The following HTR7 variants were observed in gnomAD, a reference collection of about 807,000 sequenced individuals.
HTR7 encodes the protein 5-hydroxytryptamine receptor 7, also known as 5-HT-7.
HTR7 carries 16 observed loss-of-function variants against 34.0 expected under a neutral mutation model. The observed-to-expected ratio is 0.47, with a 90% confidence interval of 0.32 to 0.71. The LOEUF (loss-of-function observed/expected upper bound fraction) is 0.71, where lower values mean the gene tolerates loss of function less well. Ranked by LOEUF, HTR7 falls within the 30% of genes least tolerant of loss-of-function variation. HTR7 has a pLI of 0.04. For synonymous variants in HTR7, 265 were observed against 260.2 expected (o/e 1.02, Z -0.18); for missense variants, 504 against 625.5 (o/e 0.81, Z 2.07).
At chr10:90,765,370 T>C (rs961362976) in intron 1 of HTR7, among the ~76,000 whole-genome samples, 2 of 152,194 alleles carry the variant, frequency 1.3e-5, no homozygotes, top group African/African-American at 4.8e-5. Flanking sequence ...TTTGTATTTC[T>C]GTGACATCAG....
intron 1 of HTR7, among the ~76,000 whole-genome samples, chr10:90,766,443 G>A (rs1845025821): frequency 6.6e-6 from 1 of 152,252 alleles, no homozygotes; most frequent in East Asian, 1.9e-4. Context: ...GTCTCTTGTA[G>A]GCAGCATGTT....
At chr10:90,792,517 A>T (rs17100178) in intron 1 of HTR7, among the ~76,000 whole-genome samples, 11,087 of 152,092 alleles carry the variant, frequency 0.073, 619 homozygotes, top group East Asian at 0.17. Context: ...ACTGTACATT[A>T]TATATATACA....
intron 1 of HTR7, among the ~76,000 whole-genome samples, chr10:90,778,508 G>A (rs1489195836): frequency 6.6e-6 from 1 of 152,150 alleles, no homozygotes; most frequent in Non-Finnish European, 1.5e-5. Context: ...GGACTTCTCA[G>A]CCTCCATAAT....
At chr10:90,769,010 CTT>C (rs1845067016) in intron 1 of HTR7, among the ~76,000 whole-genome samples, 1 of 152,204 alleles carries the variant, frequency 6.6e-6, no homozygotes, top group African/African-American at 2.4e-5. Flanking sequence ...GCCAAGAACA[CTT>C]TGATTACTAC....
intron 1 of HTR7, among the ~76,000 whole-genome samples, chr10:90,751,136 A>G (rs1284168495): frequency 1.3e-5 from 2 of 152,124 alleles, no homozygotes. Flanking sequence ...GCTGACCTAC[A>G]AGCACTACCC....
Position 90,749,530 on chromosome 10 carries a change from T to C in HTR7, c.604A>G (p.Met202Val), listed in dbSNP as rs1844701443. The change falls in exon 2 of 4, where the codon ATG becomes GTG. Residue 202 changes from methionine (M) to valine (V), a missense_variant. By Grantham distance (21) the Met-to-Val change is conservative. Around this residue, in one of 4 missense-constraint regions of HTR7, gnomAD observed 154 missense variants for 248.8 expected, o/e 0.62. Coordinates refer to ENST00000336152, the MANE Select transcript of HTR7 (RefSeq NM_019859.4). This position sits in a 1 kb window ranked among gnomAD's most constrained non-coding sequence, Gnocchi z 4.2. ...GAGAGAAGCCAGACGGAGAGAATCA[T>C]CTTCGCCATGCATTTCCCATTCTGC... ...VRQNGKCMAKMILSVWLLSAS... is the reference protein window; with the variant it reads ...VRQNGKCMAKVILSVWLLSAS... 2.7e-5 allele frequency: 43 copies of C among 1,613,994 alleles called. No homozygotes were observed. Among genetic ancestry groups the C allele is most frequent in the Non-Finnish European group, 3.6e-5 (43 of 1,180,014 alleles).
intron 1 of HTR7, among the ~76,000 whole-genome samples, chr10:90,841,450 T>C (rs937436874): frequency 1.3e-5 from 2 of 152,192 alleles, no homozygotes; most frequent in Non-Finnish European, 1.5e-5. Context: ...ACAGGCTGTG[T>C]TCCTTTCTGG....
intron 1 of HTR7, among the ~76,000 whole-genome samples, chr10:90,771,629 G>C (rs544516501): frequency 1.2e-4 from 19 of 152,322 alleles, no homozygotes; most frequent in Admixed American, 5.2e-4. Flanking sequence ...GCCCATGCCA[G>C]CACCTGGAGC....
chr10:90,812,315 T>C (rs1197351713), intron 1 of HTR7, among the ~76,000 whole-genome samples: 3 of 152,104 alleles, frequency 2.0e-5, no homozygotes, highest in Non-Finnish European at 4.4e-5. Flanking sequence ...CTGCTCTTGT[T>C]TACACTGCCG....
At chr10:90,773,787 T>C (rs1845159190) in intron 1 of HTR7, among the ~76,000 whole-genome samples, 1 of 152,204 alleles carries the variant, frequency 6.6e-6, no homozygotes, top group South Asian at 2.1e-4. Flanking sequence ...AATCTCCTTC[T>C]TTTTTTATGG....
intron 1 of HTR7, among the ~76,000 whole-genome samples, chr10:90,754,431 T>C (rs1844797833): frequency 6.6e-6 from 1 of 152,158 alleles, no homozygotes; most frequent in African/African-American, 2.4e-5. Flanking sequence ...ATTTTTAACA[T>C]TCCTTAAGTA....
In HTR7 at chr10:90,749,261, G is replaced by A. The variant is rs1844693279; in HGVS notation, c.873C>T (p.Gly291=). The part of the protein sequence containing the change: ...VEPDSVIALN[G]IVKLQKEVEE... ...CCACCTCCTTCTGGAGCTTCACTAT[G>A]CCATTCAGGGCGATGACGCTGTCTG... is the stretch of plus-strand genomic sequence containing the variant. Residue 291 remains glycine (G), a synonymous_variant, in exon 2 of 4, where the codon GGC becomes GGT. Transcript: ENST00000336152. The surrounding 1 kb of genome is among the most constrained non-coding windows in gnomAD (Gnocchi z 4.2). The A allele has an allele frequency of 6.2e-7, 1 of 1,614,122 alleles. No individual in the cohort carries two copies. Among genetic ancestry groups the A allele is most frequent in the Non-Finnish European group, 8.5e-7 (1 of 1,180,010 alleles).
intron 1 of HTR7, among the ~76,000 whole-genome samples, chr10:90,809,663 C>T (rs528871832): frequency 3.7e-4 from 56 of 152,352 alleles, no homozygotes; most frequent in South Asian, 1.2e-3. Flanking sequence ...AGCGGCCAGG[C>T]GTTCCTCCAG....
chr10:90,744,898 T>C (rs1237235660), intron 2 of HTR7, among the ~76,000 whole-genome samples: 1 of 152,220 alleles, frequency 6.6e-6, no homozygotes, highest in Non-Finnish European at 1.5e-5. Flanking sequence ...TGGTCCTTTG[T>C]ATAAGCTCCC....
At chr10:90,751,426 A>G (rs940637006) in intron 1 of HTR7, among the ~76,000 whole-genome samples, 6 of 152,106 alleles carry the variant, frequency 3.9e-5, no homozygotes, top group Non-Finnish European at 8.8e-5. Flanking sequence ...TTTCCCAGAC[A>G]TGGATTTTGA....
chr10:90,832,840 G>A (rs975357580), intron 1 of HTR7, among the ~76,000 whole-genome samples: 9 of 152,212 alleles, frequency 5.9e-5, no homozygotes, highest in African/African-American at 1.7e-4. Flanking sequence ...AAGGAGTCAC[G>A]CAGAAAAGGC....
At chr10:90,849,774 C>G (rs1457727852) in intron 1 of HTR7, among the ~76,000 whole-genome samples, 1 of 152,098 alleles carries the variant, frequency 6.6e-6, no homozygotes. Flanking sequence ...TACTTCAGAC[C>G]AATGCTTCTG....
At chr10:90,765,446 T>C (rs1046998506) in intron 1 of HTR7, among the ~76,000 whole-genome samples, 1 of 152,072 alleles carries the variant, frequency 6.6e-6, no homozygotes, top group Non-Finnish European at 1.5e-5. Flanking sequence ...GTCTAGTTAA[T>C]GGTTTGTTGA....
At chr10:90,780,450 T>C (rs556742079) in intron 1 of HTR7, among the ~76,000 whole-genome samples, 2 of 151,254 alleles carry the variant, frequency 1.3e-5, no homozygotes, top group East Asian at 3.9e-4. Context: ...GGTAGGAGAA[T>C]TGCTTGAACC....
Sources: allele counts gnomAD v4.1 joint callset (sites outside exome capture counted in the v4.1 genomes callset), GRCh38; gene constraint gnomAD v4.1.1; regional missense constraint gnomAD v4.1.1; non-coding constraint Gnocchi (gnomAD v3.1); transcripts MANE v1.5; gene names NCBI Gene and HGNC (gene_info 2026-07-23, HGNC 2026-07-21).